XIRP2: variants seen among roughly 807,000 people sequenced by gnomAD.
XIRP2 encodes the protein xin actin binding repeat containing 2, also known as xin actin-binding repeat-containing protein 2.
In XIRP2, 236 loss-of-function variants were observed where a neutral mutation model predicts 277.0. The observed-to-expected ratio is 0.85, with a 90% confidence interval of 0.77 to 0.95. The LOEUF (loss-of-function observed/expected upper bound fraction) is 0.95. Ranked by LOEUF, XIRP2 falls within the 40% of genes least tolerant of loss-of-function variation. XIRP2 has a pLI of 0.00. For missense variants in XIRP2, 4,640 were observed against 4,157.5 expected (o/e 1.12, Z -3.19); for synonymous variants, 1,490 against 1,416.5 (o/e 1.05, Z -1.17).
intron 2 of XIRP2, among the ~76,000 whole-genome samples, chr2:166,962,728 A>C (rs1686329578): frequency 6.6e-6 from 1 of 151,778 alleles, no homozygotes; most frequent in Non-Finnish European, 1.5e-5. Context: ...CTGATTTTCC[A>C]AATAGAGGTT....
chr2:166,895,593 G>A (rs1252775166), intron 1 of XIRP2, among the ~76,000 whole-genome samples: 3 of 143,482 alleles, frequency 2.1e-5, no homozygotes, highest in Non-Finnish European at 4.8e-5. Flanking sequence ...GTTTGCAGCA[G>A]GGTCACTGCC....
In XIRP2 at chr2:167,250,487, C is replaced by G. The variant is rs780199321; in HGVS notation, c.9095C>G (p.Thr3032Arg). The change falls in exon 9 of 11, where the codon ACA (threonine) becomes AGA (arginine). Residue 3032 changes from threonine (T) to arginine (R), a missense_variant. Physicochemically the swap from Thr to Arg is moderately conservative, Grantham distance 71. Transcript: ENST00000409195. ...MLVSYENIIQ[T>R]AMMSSKTGKP... ...GTGTCCTATGAAAATATAATTCAGA[C>G]AGCCATGATGTCCTCCAAAACAGGA... The G allele has an allele frequency of 8.7e-6, 14 of 1,613,198 alleles. No homozygotes were observed. The highest frequency in any genetic ancestry group is 1.7e-5 in the Admixed American group (1 of 59,898).
chr2:167,127,251 G>C (rs1000008529), intron 2 of XIRP2, among the ~76,000 whole-genome samples: 2 of 152,124 alleles, frequency 1.3e-5, no homozygotes, highest in Non-Finnish European at 2.9e-5. Flanking sequence ...GCATCTCAAG[G>C]GCACACATCT....
At chr2:167,201,249 A>AGGGAGAAAG (rs1491532181) in intron 3 of XIRP2, among the ~76,000 whole-genome samples, 29 of 99,746 alleles carry the variant, frequency 2.9e-4, no homozygotes, top group African/African-American at 1.7e-3. Context: ...AAAGAAAGAA[A>AGGGAGAAAG]GAAAGAAAGA....
intron 8 of XIRP2, 142 bp from the exon 9 acceptor site, chr2:167,242,427 G>A: frequency 1.3e-6 from 1 of 760,540 alleles, no homozygotes; most frequent in Non-Finnish European, 2.1e-6. Flanking sequence ...TCCTAAGTTG[G>A]TCTTTAAATG....
intron 2 of XIRP2, among the ~76,000 whole-genome samples, chr2:167,014,907 C>G (rs2105476125): frequency 6.6e-6 from 1 of 151,898 alleles, no homozygotes; most frequent in East Asian, 2.0e-4. Context: ...AAACCTCGTG[C>G]TTTTTAACAC....
intron 4 of XIRP2, among the ~76,000 whole-genome samples, chr2:167,211,550 A>G (rs1345809589): frequency 6.6e-6 from 1 of 152,256 alleles, no homozygotes; most frequent in African/African-American, 2.4e-5. Context: ...TATCATCATT[A>G]GCACTTAACC....
chr2:167,183,908 G>C (rs1338877053), intron 3 of XIRP2, among the ~76,000 whole-genome samples: 1 of 152,200 alleles, frequency 6.6e-6, no homozygotes, highest in African/African-American at 2.4e-5. Context: ...ATGGAGAGCA[G>C]AGAGGCGCTG....
intron 1 of XIRP2, among the ~76,000 whole-genome samples, chr2:166,891,210 T>C (rs1358986012): frequency 6.6e-6 from 1 of 152,236 alleles, no homozygotes; most frequent in Non-Finnish European, 1.5e-5. Context: ...GATAAGCTTA[T>C]TGCAAATATA....
At chr2:167,040,289 A>G (rs1036235408) in intron 2 of XIRP2, among the ~76,000 whole-genome samples, 5 of 152,098 alleles carry the variant, frequency 3.3e-5, no homozygotes, top group African/African-American at 1.2e-4. Flanking sequence ...GAGTGTAAAC[A>G]GAAGGAGAAT....
chr2:167,018,029 T>C (rs910888244), intron 2 of XIRP2, among the ~76,000 whole-genome samples: 9 of 152,084 alleles, frequency 5.9e-5, no homozygotes, highest in South Asian at 2.1e-4. Context: ...ACCCTCTTTG[T>C]AAGCTTACAA....
chr2:167,061,854 C>A (rs2105240659), intron 2 of XIRP2, among the ~76,000 whole-genome samples: 1 of 151,994 alleles, frequency 6.6e-6, no homozygotes, highest in Non-Finnish European at 1.5e-5. Flanking sequence ...AGCCTGATGA[C>A]AACTTGTTTT....
At chr2:167,179,535 T>C (rs1692950770) in intron 3 of XIRP2, among the ~76,000 whole-genome samples, 1 of 152,096 alleles carries the variant, frequency 6.6e-6, no homozygotes, top group African/African-American at 2.4e-5. Context: ...TTAGCCAGGC[T>C]GCTCTCGAAC....
chr2:167,004,732 T>G (rs183652395), intron 2 of XIRP2, among the ~76,000 whole-genome samples: 2 of 151,782 alleles, frequency 1.3e-5, no homozygotes, highest in African/African-American at 2.4e-5. Flanking sequence ...GGGCACCAAT[T>G]TGAAATCTAG....
At chr2:167,088,866 T>A (rs536604048) in intron 2 of XIRP2, among the ~76,000 whole-genome samples, 1 of 152,322 alleles carries the variant, frequency 6.6e-6, no homozygotes, top group Admixed American at 6.5e-5. Flanking sequence ...CCAAGATAGA[T>A]CACATTTTCA....
chr2:167,093,279 T>TAC (rs1690201669), intron 2 of XIRP2, among the ~76,000 whole-genome samples: 1 of 151,754 alleles, frequency 6.6e-6, no homozygotes, highest in African/African-American at 2.4e-5. Context: ...TTTGATTATA[T>TAC]ATATATATAT....
intron 2 of XIRP2, among the ~76,000 whole-genome samples, chr2:166,912,849 G>A (rs1341770489): frequency 7.0e-6 from 1 of 143,880 alleles, no homozygotes; most frequent in East Asian, 2.1e-4. Flanking sequence ...CTGCAGGTCT[G>A]TTGGAGTTTG....
rs1695125053 is a variant in XIRP2, at chr2:167,243,114, G to A, written c.1722G>A (p.Val574=). ...GGGATGAAATTCTGAAGGGAGAGGT[G>A]CAGTCCATTAGATGGATCTTTGAGA... The part of the protein sequence containing the change: ...LEWDEILKGE[V]QSIRWIFENQ... The change falls in exon 9 of 11, where the codon GTG becomes GTA. Residue 574 remains valine, a synonymous_variant. Transcript: ENST00000409195. The A allele has an allele frequency of 3.1e-6, 5 of 1,614,104 alleles. No homozygotes were observed. Among genetic ancestry groups the A allele is most frequent in the Non-Finnish European group, 3.4e-6 (4 of 1,179,988 alleles).
rs894365827 is a variant in XIRP2 at position 167,154,760 on chromosome 2, G to A, written c.562+18698G>A. The stretch of plus-strand genomic sequence containing the variant: ...TAACTAAAATCAGAGCAGAACTGAA[G>A]GAAATAGAGACACAAAAAACCCTTC... On this transcript the variant is annotated intron_variant, in intron 3 of 10. Transcript: ENST00000409195. Among the ~76,000 whole-genome samples the A allele has an allele frequency of 1.4e-4, 22 of 152,000 alleles. 1 individual carries two copies. Among genetic ancestry groups the A allele is most frequent in the African/African-American group, 5.1e-4 (21 of 41,466 alleles).
Sources: gnomAD v4.1 joint callset for allele counts (sites outside exome capture counted in the v4.1 genomes callset) on GRCh38, gnomAD v4.1.1 for gene constraint, MANE v1.5 for transcripts, NCBI Gene and HGNC (gene_info 2026-07-23, HGNC 2026-07-21) for gene names.